NREP: variants seen among roughly 807,000 people sequenced by gnomAD.
NREP encodes the protein neuronal regeneration-related protein.
A neutral mutation model predicts 8.6 loss-of-function variants in NREP; 5 were observed. That is an observed-to-expected ratio of 0.58 (90% CI 0.30 to 1.22). NREP has a LOEUF of 1.22. Ranked by LOEUF, NREP falls within the 50% of genes most tolerant of loss-of-function variation. NREP has a pLI of 0.07. For synonymous variants in NREP, 27 were observed against 28.0 expected, an observed-to-expected ratio of 0.96 and a Z score of 0.11; for missense variants, 86 against 82.5, an observed-to-expected ratio of 1.04 and a Z score of -0.17.
At chr5:111,752,046 T>C (rs1482739101) in intron 2 of NREP, among the ~76,000 whole-genome samples, 1 of 152,210 alleles carries the variant, frequency 6.6e-6, no homozygotes, top group Non-Finnish European at 1.5e-5. Flanking sequence ...TAAATTTGGG[T>C]TTCACTCATT....
chr5:111,887,934 T>A (rs1754301007), intron 2 of NREP, among the ~76,000 whole-genome samples: 1 of 152,194 alleles, frequency 6.6e-6, no homozygotes, highest in South Asian at 2.1e-4. Flanking sequence ...AGGTACCTTG[T>A]TACAGCAATT....
At chr5:111,918,852 T>C (rs1014481897) in intron 2 of NREP, among the ~76,000 whole-genome samples, 18 of 152,052 alleles carry the variant, frequency 1.2e-4, no homozygotes, top group Non-Finnish European at 2.9e-5. Flanking sequence ...AAAGCCAAAA[T>C]TGACAAATGC....
At chr5:111,876,934 T>C (rs1180080968) in intron 2 of NREP, among the ~76,000 whole-genome samples, 4 of 152,204 alleles carry the variant, frequency 2.6e-5, no homozygotes, top group African/African-American at 7.2e-5. Flanking sequence ...AGTGATAGAA[T>C]CAGAATGTAA....
intron 2 of NREP, among the ~76,000 whole-genome samples, chr5:111,777,414 T>C (rs765667131): frequency 4.6e-5 from 7 of 151,850 alleles, no homozygotes; most frequent in Non-Finnish European, 7.4e-5. Flanking sequence ...CTAACAGTAG[T>C]TGTCTCTGGA....
In NREP at chr5:111,787,716, C is replaced by T. The variant is rs1049279186; in HGVS notation, c.136-52209G>A. Reference sequence around the variant, plus strand: ...GTAAAATATTTTTGAGGATGTTCTTCAAATATATGTATATTTCTTTTAAAA... The same window carrying T: ...GTAAAATATTTTTGAGGATGTTCTTTAAATATATGTATATTTCTTTTAAAA... On this transcript the variant is annotated intron_variant, in intron 2 of 3. Transcript: ENST00000395634. 5.3e-5 allele frequency among the ~76,000 whole-genome samples: 8 copies of T among 152,146 alleles called. No homozygotes were observed. In the East Asian group the frequency reaches 1.5e-3, roughly 29 times the overall value.
chr5:111,857,948 A>G (rs1213572728), intron 2 of NREP, among the ~76,000 whole-genome samples: 2 of 151,872 alleles, frequency 1.3e-5, no homozygotes, highest in Non-Finnish European at 2.9e-5. Flanking sequence ...GCCTGGAATC[A>G]ACTCCAAAGG....
At chr5:111,818,029 A>C (rs963041655) in intron 2 of NREP, among the ~76,000 whole-genome samples, 5 of 152,108 alleles carry the variant, frequency 3.3e-5, no homozygotes, top group African/African-American at 1.2e-4. Flanking sequence ...GAAATTCCAC[A>C]AGTTTCAATT....
At chr5:111,797,288 T>C (rs188889603) in intron 2 of NREP, among the ~76,000 whole-genome samples, 14 of 152,200 alleles carry the variant, frequency 9.2e-5, no homozygotes, top group African/African-American at 3.1e-4. Flanking sequence ...CTTGTCCTTA[T>C]AGTGTGGCAT....
intron 2 of NREP, among the ~76,000 whole-genome samples, chr5:111,898,582 G>C (rs1442665355): frequency 6.6e-6 from 1 of 152,154 alleles, no homozygotes; most frequent in Admixed American, 6.5e-5. Context: ...CCAGAGACAG[G>C]AATTTGGGGA....
Position 111,968,611 on chromosome 5 carries a change from A to G in NREP, c.135+6663T>C, listed in dbSNP as rs188222547. On this transcript the variant is annotated intron_variant, in intron 2 of 3. Coordinates refer to the NREP transcript ENST00000395634. ...TTTGAAAGAGCTTCAGGAATGTCTCAACACCATCATTTCAGTTAGGAAAAT... is the reference window on the plus strand; with the variant it reads ...TTTGAAAGAGCTTCAGGAATGTCTCGACACCATCATTTCAGTTAGGAAAAT... Among the ~76,000 whole-genome samples, 371 of 152,322 alleles carry G rather than the reference A, an allele frequency of 2.4e-3. 2 individuals carry two copies. Among genetic ancestry groups the G allele is most frequent in the African/African-American group, 8.6e-3 (358 of 41,574 alleles).
rs189993124 is a variant in NREP at position 111,866,131 on chromosome 5, A to C, written c.135+109143T>G. Among the ~76,000 whole-genome samples the C allele has an allele frequency of 2.2e-3, 331 of 152,300 alleles. 2 individuals are homozygous for C. Among genetic ancestry groups the C allele is most frequent in the African/African-American group, 7.3e-3 (302 of 41,576 alleles). On this transcript the variant is annotated intron_variant, in intron 2 of 3. Coordinates refer to the NREP transcript ENST00000395634. ...CTAAAACACCAAAAGCAATGGCAAC[A>C]AAAGCCAAAATGGACAAATGGGATC...
intron 2 of NREP, among the ~76,000 whole-genome samples, chr5:111,952,954 C>A (rs1389362627): frequency 6.6e-6 from 1 of 152,080 alleles, no homozygotes; most frequent in Non-Finnish European, 1.5e-5. Flanking sequence ...TTACCACATG[C>A]ATGCATTATT....
chr5:111,885,194 G>C (rs1754207384), intron 2 of NREP, among the ~76,000 whole-genome samples: 1 of 151,434 alleles, frequency 6.6e-6, no homozygotes, highest in Non-Finnish European at 1.5e-5. Flanking sequence ...GACAAACAGA[G>C]AGCCAAATCA....
chr5:111,922,009 G>A (rs190755363), intron 2 of NREP, among the ~76,000 whole-genome samples: 394 of 152,238 alleles, frequency 2.6e-3, no homozygotes, highest in African/African-American at 8.4e-3. Flanking sequence ...CAATTAAACC[G>A]CTTTTTCTTC....
At chr5:111,796,819 A>T (rs1411439492) in intron 2 of NREP, among the ~76,000 whole-genome samples, 1 of 152,210 alleles carries the variant, frequency 6.6e-6, no homozygotes, top group Non-Finnish European at 1.5e-5. Flanking sequence ...GTTCTCAAGA[A>T]GCTTAAAATC....
At chr5:111,881,558 C>T (rs1754071030) in intron 2 of NREP, among the ~76,000 whole-genome samples, 1 of 152,156 alleles carries the variant, frequency 6.6e-6, no homozygotes, top group African/African-American at 2.4e-5. Context: ...GACCCCCAAG[C>T]AGTCTAACTG....
chr5:111,912,308 G>A (rs1191732843), intron 2 of NREP, among the ~76,000 whole-genome samples: 1 of 151,906 alleles, frequency 6.6e-6, no homozygotes, highest in African/African-American at 2.4e-5. Flanking sequence ...GCTAGGGTCT[G>A]CCCTGCTATA....
chr5:111,806,741 AGTTC>A (rs1447712838), intron 2 of NREP, among the ~76,000 whole-genome samples: 19 of 98,384 alleles, frequency 1.9e-4, no homozygotes, highest in Non-Finnish European at 1.7e-4. Context: ...GGAAGGATGC[AGTTC>A]TCTGTTACGA....
chr5:111,771,896 C>T (rs926681746), intron 2 of NREP, among the ~76,000 whole-genome samples: 1 of 152,002 alleles, frequency 6.6e-6, no homozygotes, highest in South Asian at 2.1e-4. Flanking sequence ...TATATTACTT[C>T]GATTTTAGCT....
Sources: gnomAD v4.1 joint callset for allele counts (sites outside exome capture counted in the v4.1 genomes callset) on GRCh38, gnomAD v4.1.1 for gene constraint, MANE v1.5 for transcripts, NCBI Gene and HGNC (gene_info 2026-07-23, HGNC 2026-07-21) for gene names.